FRMD4B: variants seen among roughly 807,000 people sequenced by gnomAD.
FRMD4B encodes FERM domain containing 4B.
FRMD4B carries 74 observed loss-of-function variants against 141.5 expected under a neutral mutation model. The observed-to-expected ratio is 0.52, with a 90% CI of 0.43 to 0.63. The LOEUF is 0.63. Among genes scored for constraint, FRMD4B ranks in the 30% least tolerant of loss-of-function variants. The pLI is 0.00. For synonymous variants in FRMD4B, 506 were observed against 467.9 expected (o/e 1.08, Z -1.05); for missense variants, 1,366 against 1,253.4 (o/e 1.09, Z -1.36).
At chr3:69,243,075 G>C (rs990209080) in intron 7 of FRMD4B, among the ~76,000 whole-genome samples, 1 of 150,902 alleles carries the variant, frequency 6.6e-6, no homozygotes, top group African/African-American at 2.4e-5. Flanking sequence ...CCTCCTTGCC[G>C]TGTCAGCTTT....
chr3:69,477,921 G>C (rs1706031245), intron 1 of FRMD4B, among the ~76,000 whole-genome samples: 1 of 151,926 alleles, frequency 6.6e-6, no homozygotes, highest in Non-Finnish European at 1.5e-5. Flanking sequence ...CTTCTTCCTG[G>C]TTTAGTCTTG....
chr3:69,222,868 T>C (rs1198711759), intron 8 of FRMD4B, among the ~76,000 whole-genome samples: 1 of 152,208 alleles, frequency 6.6e-6, no homozygotes, highest in Non-Finnish European at 1.5e-5. Flanking sequence ...ATAATACACA[T>C]AAAATAATGA....
intron 4 of FRMD4B, among the ~76,000 whole-genome samples, chr3:69,294,245 C>T (rs1188926024): frequency 6.6e-6 from 1 of 152,176 alleles, no homozygotes; most frequent in Admixed American, 6.5e-5. Flanking sequence ...ACTGCAGCCA[C>T]ACGCCTAGGT....
intron 7 of FRMD4B, among the ~76,000 whole-genome samples, chr3:69,246,475 TAAAAC>T (rs1156983816): frequency 6.6e-6 from 1 of 151,622 alleles, no homozygotes; most frequent in East Asian, 1.9e-4. Flanking sequence ...AAAAACAAAA[TAAAAC>T]AAAAGAAAAA....
intron 11 of FRMD4B, among the ~76,000 whole-genome samples, chr3:69,213,162 CTG>C (rs1450575977): frequency 2.6e-5 from 4 of 152,100 alleles, no homozygotes; most frequent in Admixed American, 6.6e-5. Context: ...GTATGAAACA[CTG>C]TATATATTAG....
chr3:69,269,065 A>C (rs1191711308), intron 5 of FRMD4B, among the ~76,000 whole-genome samples: 1 of 151,064 alleles, frequency 6.6e-6, no homozygotes, highest in Non-Finnish European at 1.5e-5. Flanking sequence ...AGTAGCTGGG[A>C]TTACAGACAT....
At chr3:69,331,922 T>C (rs2107334437) in intron 1 of FRMD4B, among the ~76,000 whole-genome samples, 1 of 152,210 alleles carries the variant, frequency 6.6e-6, no homozygotes, top group South Asian at 2.1e-4. Flanking sequence ...ACCCTGTCTC[T>C]ACTAAAAATA....
chr3:69,476,680 A>G lies in FRMD4B; in HGVS notation c.-128-43919T>C, dbSNP rs1162953109. Among the ~76,000 whole-genome samples the G allele has an allele frequency of 2.6e-5, 4 of 151,980 alleles. No homozygotes were observed. In the South Asian group the frequency reaches 6.2e-4, roughly 24 times the overall value. On this transcript the variant is annotated intron_variant, in intron 1 of 5. Coordinates refer to the FRMD4B transcript ENST00000459638. ...TCTTTTGGCTTAGGATTGACTTGGCAATGAGGGCTCTTTTTTGGTTCCATA... is the reference window on the plus strand; with the variant it reads ...TCTTTTGGCTTAGGATTGACTTGGCGATGAGGGCTCTTTTTTGGTTCCATA...
chr3:69,351,980 C>T (rs1485239844), intron 1 of FRMD4B, among the ~76,000 whole-genome samples: 3 of 152,188 alleles, frequency 2.0e-5, no homozygotes, highest in Non-Finnish European at 4.4e-5. Context: ...ATGGGTGAGA[C>T]ATAGTACCTG....
rs952719592 is a variant in FRMD4B at position 69,200,677 on chromosome 3, A to C, written c.877-1903T>G. The C allele has an allele frequency of 7.2e-6, 9 of 1,256,580 alleles. No homozygotes were observed. In the East Asian group the frequency reaches 5.1e-4, roughly 71 times the overall value. 77.8% of individuals were successfully genotyped at this position (1,256,580 alleles called of 1,614,324 possible). A position where few individuals can be genotyped will look rare whatever the true frequency, so the allele number is the denominator to read the frequency against. Reference sequence around the variant, plus strand: ...AAAGTTCTCAGTGGCAGATTTTCCCAGAAAAGAGACCTTTCTAAAATGGAG... The same window carrying C: ...AAAGTTCTCAGTGGCAGATTTTCCCCGAAAAGAGACCTTTCTAAAATGGAG... On this transcript the variant is annotated intron_variant, in intron 11 of 22. Transcript: ENST00000398540.
At chr3:69,321,956 C>T (rs1575729348) in intron 1 of FRMD4B, among the ~76,000 whole-genome samples, 1 of 152,188 alleles carries the variant, frequency 6.6e-6, no homozygotes, top group Non-Finnish European at 1.5e-5. Context: ...AGTCCTCCTG[C>T]CTTGGCTTCC....
At chr3:69,505,100 T>A (rs1343090310) in intron 1 of FRMD4B, among the ~76,000 whole-genome samples, 1 of 151,994 alleles carries the variant, frequency 6.6e-6, no homozygotes, top group East Asian at 1.9e-4. Context: ...CCAGCATAAG[T>A]GGCTTATGCC....
rs371842640 is a variant in FRMD4B, at chr3:69,196,981, A to G, written c.1011T>C (p.Tyr337=). The change falls in exon 13 of 23, where the codon TAT becomes TAC. Residue 337 remains tyrosine (Y), a synonymous_variant. Transcript: ENST00000398540. ...TGGACTTGATGAGAGAAGAGTTAGC[A>G]TACCATGTTTGCACAAACAAGCCAC... is the stretch of plus-strand genomic sequence containing the variant. ...GQSGLFVQTW[Y]ANSSLIKSIW... is the part of the protein sequence containing the mutation. 4.4e-6 allele frequency: 7 copies of G among 1,606,054 alleles called. No homozygotes were observed. The highest frequency in any genetic ancestry group is 6.0e-6 in the Non-Finnish European group (7 of 1,172,662).
At chr3:69,311,005 A>G (rs1046434841) in intron 3 of FRMD4B, among the ~76,000 whole-genome samples, 3 of 152,214 alleles carry the variant, frequency 2.0e-5, no homozygotes, top group African/African-American at 7.2e-5. Context: ...GATACACTGT[A>G]ATCGGGAATA....
intron 1 of FRMD4B, among the ~76,000 whole-genome samples, chr3:69,448,260 C>T (rs1199491702): frequency 1.3e-5 from 2 of 152,132 alleles, no homozygotes; most frequent in African/African-American, 4.8e-5. Flanking sequence ...GAACGCCTGA[C>T]CTCAGGTGAT....
intron 1 of FRMD4B, among the ~76,000 whole-genome samples, chr3:69,521,807 T>G (rs1257302826): frequency 1.3e-5 from 2 of 152,178 alleles, no homozygotes; most frequent in Non-Finnish European, 2.9e-5. Context: ...GGGGTCTTTC[T>G]CAGCTTTCTG....
intron 1 of FRMD4B, among the ~76,000 whole-genome samples, chr3:69,326,423 T>C (rs969843991): frequency 2.0e-5 from 3 of 152,210 alleles, no homozygotes; most frequent in Non-Finnish European, 2.9e-5. Context: ...TAGCTGTCCA[T>C]ATGTCCAAAT....
At chr3:69,478,537 A>T (rs1274970481) in intron 1 of FRMD4B, among the ~76,000 whole-genome samples, 1 of 152,144 alleles carries the variant, frequency 6.6e-6, no homozygotes, top group Non-Finnish European at 1.5e-5. Flanking sequence ...CTTAATCCTG[A>T]GTTCTAGTTT....
chr3:69,539,536 A>C (rs1455688827), intron 1 of FRMD4B, among the ~76,000 whole-genome samples: 1 of 152,236 alleles, frequency 6.6e-6, no homozygotes, highest in Non-Finnish European at 1.5e-5. Flanking sequence ...ACAGGAAAAC[A>C]GGATCGTGAT....
Sources: allele counts gnomAD v4.1 joint callset (sites outside exome capture counted in the v4.1 genomes callset), GRCh38; gene constraint gnomAD v4.1.1; transcripts MANE v1.5; gene names NCBI Gene and HGNC (gene_info 2026-07-23, HGNC 2026-07-21).